The following COL18A1 variants were observed in gnomAD, a reference collection of about 807,000 sequenced individuals.
The protein encoded by COL18A1 is collagen type XVIII alpha 1 chain.
Under a neutral mutation model 168.0 loss-of-function variants are expected in COL18A1, and 133 were observed. The ratio of observed to expected loss-of-function variants is 0.79; its 90% CI spans 0.69 to 0.91. COL18A1 has a LOEUF of 0.91. Ranked by LOEUF, COL18A1 falls within the 40% of genes least tolerant of loss-of-function variation. The pLI is 0.00. For missense variants in COL18A1, 2,126 were observed against 1,925.4 expected, an observed-to-expected ratio of 1.10 and a Z score of -1.95; for synonymous variants, 949 against 809.0, an observed-to-expected ratio of 1.17 and a Z score of -2.94.
intron 2 of COL18A1, among the ~76,000 whole-genome samples, chr21:45,449,745 CTG>C (rs1257031933): frequency 6.6e-6 from 1 of 152,208 alleles, no homozygotes; most frequent in Non-Finnish European, 1.5e-5. Flanking sequence ...GGCCCTCTCA[CTG>C]TGCGGCCACC....
Position 45,498,376 on chromosome 21 carries a change from C to T in COL18A1, c.2683+715C>T, listed in dbSNP as rs2036617315. ...GGGTTCCCTCTCGCCACCACGGTCCCCTCTCGCCGCCAGGGTCCCCTCTCG... is the reference window on the plus strand; with the variant it reads ...GGGTTCCCTCTCGCCACCACGGTCCTCTCTCGCCGCCAGGGTCCCCTCTCG... On this transcript the variant is annotated intron_variant, in intron 32 of 41. Coordinates refer to ENST00000651438, the MANE Select transcript of COL18A1 (RefSeq NM_001379500.1). This position sits in a 1 kb window ranked among gnomAD's most constrained non-coding sequence, Gnocchi z 4.5. The T allele has an allele frequency of 4.6e-6, 3 of 658,458 alleles. No homozygotes were observed. In the East Asian group the frequency reaches 8.4e-5, roughly 18 times the overall value. 40.8% of individuals were successfully genotyped at this position (658,458 alleles called of 1,614,324 possible). A position where few individuals can be genotyped will look rare whatever the true frequency, so the allele number is the denominator to read the frequency against.
In COL18A1 at chr21:45,510,408, C is replaced by G. The variant is rs1440488712; in HGVS notation, c.3693+147C>G. On this transcript the variant is annotated intron_variant, in intron 40 of 41. Transcript: ENST00000651438. ...CCTAGGCTGGCGACTTCAGGGCAGG[C>G]TCCGGGTGGGTCACACCCCTCCAGG... 5 of 935,860 alleles carry G rather than the reference C, an allele frequency of 5.3e-6. No individual in the cohort carries two copies. The African/African-American group carries it at 8.2e-5, about 15-fold the overall frequency. 58.0% of individuals were successfully genotyped at this position (935,860 alleles called of 1,614,324 possible).
At chr21:45,439,532 G>C (rs543286821) in intron 2 of COL18A1, among the ~76,000 whole-genome samples, 1 of 151,074 alleles carries the variant, frequency 6.6e-6, no homozygotes, top group Non-Finnish European at 1.5e-5. Context: ...TTGGGACTTC[G>C]GTGCCTGCTG....
At position 45,477,473 on chromosome 21, in the gene COL18A1, G is replaced by T. The variant is rs1297477834; in HGVS notation, c.991G>T (p.Gly331Cys). The change falls in exon 7 of 42, where the codon GGC becomes TGC. Residue 331 changes from glycine to cysteine, a missense_variant. Physicochemically the swap from Gly to Cys is radical, Grantham distance 159. Transcript: ENST00000651438. ...TWDGSVRTPG[G>C]RVKEGGLKGQ... ...GGACGGGAGTGTCCGGACCCCTGGG[G>T]GCCGCGTGAAAGAGGTAAGGCCACC... 2 of 1,611,244 alleles carry T rather than the reference G, an allele frequency of 1.2e-6. No homozygotes were observed. The highest frequency in any genetic ancestry group is 1.7e-5 in the Admixed American group (1 of 59,768).
At chr21:45,446,134 G>T (rs896148567) in intron 2 of COL18A1, among the ~76,000 whole-genome samples, 2 of 152,052 alleles carry the variant, frequency 1.3e-5, no homozygotes, top group African/African-American at 2.4e-5. Context: ...ATCCAGCTTC[G>T]CCCTTTTGCG....
chr21:45,418,813 G>T (rs1443947795), intron 2 of COL18A1, among the ~76,000 whole-genome samples: 1 of 129,532 alleles, frequency 7.7e-6, no homozygotes, highest in Non-Finnish European at 1.6e-5. Flanking sequence ...CTCCCACCCC[G>T]ACCTCCTGTG....
In COL18A1 at chr21:45,493,244, G is replaced by T. The variant is rs574496789; in HGVS notation, c.2277+19G>T. The T allele has an allele frequency of 4.1e-5, 63 of 1,552,462 alleles. No individual in the cohort carries two copies. The South Asian group carries it at 7.1e-4, about 18-fold the overall frequency. ...ACCCAAGGTAAGGGGCTCAGGTGCTGTCCCTCAACCCCCTTTGTGACCCAG... is the reference window on the plus strand; with the variant it reads ...ACCCAAGGTAAGGGGCTCAGGTGCTTTCCCTCAACCCCCTTTGTGACCCAG... On this transcript the variant is annotated intron_variant, in intron 25 of 41. Transcript: ENST00000651438.
In COL18A1 at chr21:45,423,456, C is replaced by T. The variant is rs967233175; in HGVS notation, c.106+17983C>T. 1.3e-5 allele frequency among the ~76,000 whole-genome samples: 2 copies of T among 152,214 alleles called. No homozygotes were observed. Among genetic ancestry groups the T allele is most frequent in the Non-Finnish European group, 2.9e-5 (2 of 68,036 alleles). ...ACCTCGGACGGCAGCAGGACCCTCC[C>T]AAAGCTGTGTCCACACACAGCTGGG... On this transcript the variant is annotated intron_variant, in intron 2 of 41. Transcript: ENST00000651438. This position sits in a 1 kb window ranked among gnomAD's most constrained non-coding sequence, Gnocchi z 4.0.
intron 8 of COL18A1, 157 bp from the exon 9 acceptor site, chr21:45,478,170 G>T (rs1185082634): frequency 1.3e-5 from 12 of 942,314 alleles, no homozygotes; most frequent in African/African-American, 1.1e-4. Flanking sequence ...AGCCCTTGTG[G>T]GTGTGAGGAG....
Position 45,509,429 on chromosome 21 carries a change from AC to A in COL18A1, c.3328del (p.His1110ThrfsTer141). On this transcript the variant is annotated frameshift_variant, in exon 39 of 42. Coordinates refer to ENST00000651438, the MANE Select transcript of COL18A1 (RefSeq NM_001379500.1). LOFTEE classifies it high-confidence loss of function. Reference protein sequence around the residue: ...HDSNPYPRREHPHPTARPWRA... With the variant: ...HDSNPYPRREXPHPTARPWRA... ...AGCAACCCCTACCCGCGGCGGGAGCACCCCCACCCCACCGCGCGGCCCTGGC... is the reference window on the plus strand; with the variant it reads ...AGCAACCCCTACCCGCGGCGGGAGCACCCCACCCCACCGCGCGGCCCTGGC... 2 of 1,533,354 alleles carry A rather than the reference AC, an allele frequency of 1.3e-6. No homozygotes were observed. The highest frequency in any genetic ancestry group is 1.8e-6 in the Non-Finnish European group (2 of 1,140,744). The allele number at this position is 1,533,354 out of a possible 1,614,324, so 95.0% of individuals were successfully genotyped here. A position where few individuals can be genotyped will look rare whatever the true frequency, so the allele number is the denominator to read the frequency against.
intron 2 of COL18A1, chr21:45,455,520 G>A (rs887924468): frequency 9.3e-6 from 15 of 1,611,766 alleles, no homozygotes; most frequent in East Asian, 4.5e-5. Context: ...AGCTCCAGCC[G>A]CACTGCCCCG....
intron 2 of COL18A1, among the ~76,000 whole-genome samples, chr21:45,416,973 A>G (rs1034747931): frequency 6.6e-6 from 1 of 152,160 alleles, no homozygotes; most frequent in African/African-American, 2.4e-5. Context: ...GAGTTTTCAG[A>G]TATTTGGAAG....
rs1232964177 is a variant in COL18A1, at chr21:45,498,248, C to T, written c.2683+587C>T. 4.3e-6 allele frequency: 3 copies of T among 704,658 alleles called. No homozygotes were observed. In the South Asian group the frequency reaches 4.4e-5, roughly 10 times the overall value. 43.7% of individuals were successfully genotyped at this position (704,658 alleles called of 1,614,324 possible). A position where few individuals can be genotyped will look rare whatever the true frequency, so the allele number is the denominator to read the frequency against. On this transcript the variant is annotated intron_variant, in intron 32 of 41. Coordinates refer to ENST00000651438, the MANE Select transcript of COL18A1 (RefSeq NM_001379500.1). This position sits in a 1 kb window ranked among gnomAD's most constrained non-coding sequence, Gnocchi z 4.5. ...TGAGGATGTCTGGGGGCTGGCAGAG[C>T]AGAAGCCCAGAGAGCCAGGCTAGCC...
At chr21:45,503,918 C>T in intron 32 of COL18A1, 93 bp from the exon 33 acceptor site, 5 of 1,403,176 alleles carry the variant, frequency 3.6e-6, no homozygotes, top group African/African-American at 1.4e-5. Flanking sequence ...CTAGAAGGGC[C>T]TCAGGCAAAC....
chr21:45,442,366 G>A lies in COL18A1; in HGVS notation c.107-25876G>A, dbSNP rs143415237. ...GGCACACGTCGTGTCTGTGGGGAGG[G>A]CCCCTCACTCTCTGGCTGCACATCA... is the stretch of plus-strand genomic sequence containing the variant. On this transcript the variant is annotated intron_variant, in intron 2 of 41. Transcript: ENST00000651438. Among the ~76,000 whole-genome samples the A allele has an allele frequency of 4.6e-3, 696 of 152,272 alleles. 9 individuals are homozygous for A. Among genetic ancestry groups the A allele is most frequent in the Middle Eastern group, 0.014 (4 of 294 alleles).
At position 45,480,392 on chromosome 21, in the gene COL18A1, C is replaced by T. The variant is rs1449323331; in HGVS notation, c.1399-75C>T. On this transcript the variant is annotated intron_variant, in intron 11 of 41. Transcript: ENST00000651438. The stretch of plus-strand genomic sequence containing the variant: ...TAGAAACAGCTCGATATGCAGCTTG[C>T]GGGGCAGGGGCCAGGAGTAGGCCAG... 1.6e-5 allele frequency: 25 copies of T among 1,611,658 alleles called. No homozygotes were observed. The East Asian group carries it at 1.6e-4, about 10-fold the overall frequency.
At chr21:45,488,341 G>T (rs536783392) in intron 17 of COL18A1, 77 bp from the exon 18 acceptor site, 1 of 1,593,088 alleles carries the variant, frequency 6.3e-7, no homozygotes, top group Non-Finnish European at 8.6e-7. Flanking sequence ...TGTTACTAGC[G>T]GGCTTTTCTT....
chr21:45,506,786 T>A (rs1413686227), intron 37 of COL18A1: 1 of 43,478 alleles, frequency 2.3e-5, no homozygotes, highest in Non-Finnish European at 4.5e-5. Flanking sequence ...CCACCTTCCC[T>A]CTGGAGCCCT....
intron 2 of COL18A1, among the ~76,000 whole-genome samples, chr21:45,452,746 G>T (rs989772480): frequency 7.3e-5 from 11 of 150,448 alleles, no homozygotes; most frequent in African/African-American, 2.5e-4. Context: ...ATATATGTAC[G>T]TGTGATTGTG....
Sources: allele counts gnomAD v4.1 joint callset (sites outside exome capture counted in the v4.1 genomes callset), GRCh38; gene constraint gnomAD v4.1.1; non-coding constraint Gnocchi (gnomAD v3.1); transcripts MANE v1.5; gene names NCBI Gene and HGNC (gene_info 2026-07-23, HGNC 2026-07-21).